Variants in REDIC1 observed in about 807,000 individuals in gnomAD.
The protein encoded by REDIC1 is regulator of DNA class I crossover intermediates 1.
chr12:39,889,136 TATC>T, the REDIC1 span, among the ~76,000 whole-genome samples: 1 of 152,136 alleles, frequency 6.6e-6, no homozygotes, highest in Non-Finnish European at 1.5e-5. Context: ...TGTTGGCTCA[TATC>T]ATATTATTTC....
the REDIC1 span, among the ~76,000 whole-genome samples, chr12:39,632,819 A>G: frequency 6.6e-6 from 1 of 152,306 alleles, no homozygotes; most frequent in South Asian, 2.1e-4. Context: ...ATCTAAACAT[A>G]TCTTAATATA....
chr12:39,822,899 T>A, the REDIC1 span, among the ~76,000 whole-genome samples: 285 of 152,330 alleles, frequency 1.9e-3, 1 homozygote, highest in Middle Eastern at 0.01. Context: ...AGTAAGAAAT[T>A]CGATAAATTA....
At chr12:39,653,534 TTCTTTTTCTTCTTCTTCTTCTTCTTTC>T in the REDIC1 span, among the ~76,000 whole-genome samples, 1 of 53,976 alleles carries the variant, frequency 1.9e-5, no homozygotes, top group Admixed American at 2.0e-4. Context: ...CTTCTTCTTC[TTCTTTTTCTTCTTCTTCTTCTTCTTTC>T]TTCTTCTTCT....
At chr12:39,725,315 G>GA in the REDIC1 span, among the ~76,000 whole-genome samples, 8 of 152,252 alleles carry the variant, frequency 5.3e-5, no homozygotes, top group African/African-American at 1.9e-4. Flanking sequence ...TAGCATGAAG[G>GA]ATCTGCTCTG....
the REDIC1 span, among the ~76,000 whole-genome samples, chr12:39,803,221 A>AAC: frequency 6.6e-6 from 1 of 151,834 alleles, no homozygotes; most frequent in South Asian, 2.1e-4. Context: ...AAAAAAAAAA[A>AAC]ACTTTCTAGA....
the REDIC1 span, among the ~76,000 whole-genome samples, chr12:39,680,020 C>A: frequency 6.6e-6 from 1 of 151,932 alleles, no homozygotes; most frequent in South Asian, 2.1e-4. Context: ...AGACATGAAG[C>A]CATAAAAATT....
chr12:39,861,268 C>G, the REDIC1 span, among the ~76,000 whole-genome samples: 5 of 152,142 alleles, frequency 3.3e-5, no homozygotes, highest in Non-Finnish European at 7.4e-5. Context: ...TTATTGAGTG[C>G]TTATTATGTG....
the REDIC1 span, among the ~76,000 whole-genome samples, chr12:39,727,659 C>CTAATTCTGTGAAGAAAGTT: frequency 6.6e-6 from 1 of 152,000 alleles, no homozygotes; most frequent in Non-Finnish European, 1.5e-5. Context: ...TGAAGAAAGT[C>CTAATTCTGTGAAGAAAGTT]TAATTCTGTG....
the REDIC1 span, among the ~76,000 whole-genome samples, chr12:39,880,809 C>T: frequency 6.6e-6 from 1 of 152,188 alleles, no homozygotes; most frequent in African/African-American, 2.4e-5. Flanking sequence ...TGTCTCACCT[C>T]GCTCAGCCAC....
the REDIC1 span, chr12:39,683,332 T>G: frequency 3.5e-6 from 4 of 1,154,058 alleles, no homozygotes; most frequent in Admixed American, 8.1e-5. Context: ...CCTCTGTACG[T>G]GTCATGTGAA....
chr12:39,682,943 A>G, the REDIC1 span: 17 of 1,613,468 alleles, frequency 1.1e-5, no homozygotes, highest in East Asian at 2.2e-5. Context: ...GATAAAAACC[A>G]TGTCACTGAC....
the REDIC1 span, among the ~76,000 whole-genome samples, chr12:39,648,452 A>G: frequency 1.3e-5 from 2 of 151,882 alleles, no homozygotes; most frequent in African/African-American, 2.4e-5. Context: ...AAGTTTTTCA[A>G]TTAACACTAT....
the REDIC1 span, among the ~76,000 whole-genome samples, chr12:39,713,355 C>T: frequency 7.3e-6 from 1 of 137,850 alleles, no homozygotes; most frequent in Admixed American, 7.2e-5. Context: ...TGTGTATACA[C>T]ATATACGTGT....
chr12:39,747,189 A>G, the REDIC1 span, among the ~76,000 whole-genome samples: 1 of 152,222 alleles, frequency 6.6e-6, no homozygotes, highest in African/African-American at 2.4e-5. Flanking sequence ...AAAAGATTAG[A>G]TGAATAGCTA....
chr12:39,684,007 C>A, the REDIC1 span: 2 of 366,924 alleles, frequency 5.5e-6, no homozygotes, highest in Non-Finnish European at 7.6e-6. Context: ...TTCTCATTGC[C>A]AACATTTACC....
At chr12:39,695,913 C>G in the REDIC1 span, among the ~76,000 whole-genome samples, 1 of 152,184 alleles carries the variant, frequency 6.6e-6, no homozygotes, top group African/African-American at 2.4e-5. Context: ...GAGAGAGAGA[C>G]TGTTCATTTG....
the REDIC1 span, among the ~76,000 whole-genome samples, chr12:39,888,985 CA>C: frequency 6.6e-6 from 1 of 151,970 alleles, no homozygotes; most frequent in Non-Finnish European, 1.5e-5. Flanking sequence ...TATAAAAATA[CA>C]AGTCGGGATT....
At chr12:39,657,634 A>T in the REDIC1 span, among the ~76,000 whole-genome samples, 1 of 152,228 alleles carries the variant, frequency 6.6e-6, no homozygotes, top group South Asian at 2.1e-4. Context: ...GAATGTATTT[A>T]TTTTGTCTAC....
chr12:39,898,594 T>C, the REDIC1 span, among the ~76,000 whole-genome samples: 7 of 152,138 alleles, frequency 4.6e-5, no homozygotes, highest in East Asian at 1.3e-3. Flanking sequence ...TATTGTAACA[T>C]CTGTGTCTTC....
Sources: gnomAD v4.1 joint callset for allele counts (sites outside exome capture counted in the v4.1 genomes callset) on GRCh38, gnomAD v4.1.1 for gene constraint, MANE v1.5 for transcripts, NCBI Gene and HGNC (gene_info 2026-07-23, HGNC 2026-07-21) for gene names.